The following NMNAT2 variants were observed in gnomAD, a reference collection of about 807,000 sequenced individuals.
The protein encoded by NMNAT2 is nicotinamide nucleotide adenylyltransferase 2.
In NMNAT2, 11 loss-of-function variants were observed where a neutral mutation model predicts 41.6. The observed-to-expected ratio is 0.26, with a 90% confidence interval of 0.17 to 0.44. NMNAT2 has a LOEUF of 0.44. Ranked by LOEUF, NMNAT2 falls within the 20% of genes least tolerant of loss-of-function variation. The pLI, the probability that NMNAT2 is intolerant of heterozygous loss-of-function variation, is 1.00. For synonymous variants in NMNAT2, 148 were observed against 151.2 expected, an observed-to-expected ratio of 0.98 and a Z score of 0.16; for missense variants, 288 against 407.7, an observed-to-expected ratio of 0.71 and a Z score of 2.53.
At chr1:183,368,619 A>G (rs765614571) in intron 1 of NMNAT2, among the ~76,000 whole-genome samples, 17 of 152,162 alleles carry the variant, frequency 1.1e-4, no homozygotes, top group Admixed American at 4.6e-4. Context: ...ATAACATGCC[A>G]CTAGCCATTC....
chr1:183,311,740 C>T (rs200693050), intron 1 of NMNAT2, among the ~76,000 whole-genome samples: 12,695 of 150,872 alleles, frequency 0.084, 933 homozygotes, highest in East Asian at 0.38. Flanking sequence ...CACACACACA[C>T]ACACACACAC....
chr1:183,313,262 C>T (rs1035153433), intron 1 of NMNAT2, among the ~76,000 whole-genome samples: 15 of 152,138 alleles, frequency 9.9e-5, no homozygotes, highest in African/African-American at 3.4e-4. Flanking sequence ...TCCAGCATGC[C>T]TGAGATCACA....
chr1:183,269,544 C>T (rs1216800408), intron 8 of NMNAT2, among the ~76,000 whole-genome samples: 1 of 152,240 alleles, frequency 6.6e-6, no homozygotes, highest in Non-Finnish European at 1.5e-5. Context: ...GACTGCAGCC[C>T]ATTTGTGTTT....
chr1:183,274,341 T>C (rs2102293436), intron 8 of NMNAT2, among the ~76,000 whole-genome samples: 1 of 151,646 alleles, frequency 6.6e-6, no homozygotes, highest in South Asian at 2.1e-4. Context: ...AGACAGAATC[T>C]TGCTCTGTCA....
chr1:183,379,409 G>A (rs1281857458), intron 1 of NMNAT2, among the ~76,000 whole-genome samples: 1 of 151,952 alleles, frequency 6.6e-6, no homozygotes, highest in Non-Finnish European at 1.5e-5. Flanking sequence ...TTGAACTCCT[G>A]GGCTCAAGCA....
intron 1 of NMNAT2, among the ~76,000 whole-genome samples, chr1:183,383,543 C>A (rs898381373): frequency 6.6e-6 from 1 of 152,112 alleles, no homozygotes; most frequent in Non-Finnish European, 1.5e-5. Flanking sequence ...TTCAGATAAC[C>A]TCTTTGCTTA....
chr1:183,290,264 G>T, intron 3 of NMNAT2, 58 bp from the exon 4 acceptor site: 2 of 1,369,164 alleles, frequency 1.5e-6, no homozygotes, highest in African/African-American at 1.4e-5. Context: ...TTTCCTTATT[G>T]TTACCTTCCA....
At chr1:183,282,347 C>A (rs1042593583) in intron 7 of NMNAT2, among the ~76,000 whole-genome samples, 1 of 152,196 alleles carries the variant, frequency 6.6e-6, no homozygotes, top group Non-Finnish European at 1.5e-5. Context: ...TAAGCAGAGG[C>A]CCCTGCCCCT....
At chr1:183,345,683 CTTTTCT>C (rs1240658234) in intron 1 of NMNAT2, among the ~76,000 whole-genome samples, 1 of 121,890 alleles carries the variant, frequency 8.2e-6, no homozygotes, top group Non-Finnish European at 1.7e-5. Context: ...AAATAATATC[CTTTTCT>C]TTTTTTTTTT....
chr1:183,293,839 G>C, intron 1 of NMNAT2, 46 bp from the exon 2 acceptor site: 1 of 1,323,008 alleles, frequency 7.6e-7, no homozygotes, highest in Non-Finnish European at 1.1e-6. Context: ...GAAAGGCATG[G>C]ATTAAAGGTG....
chr1:183,402,392 A>G (rs1648836348), intron 1 of NMNAT2, among the ~76,000 whole-genome samples: 1 of 152,190 alleles, frequency 6.6e-6, no homozygotes, highest in South Asian at 2.1e-4. Context: ...GGATTGTTGT[A>G]ACTATGCATT....
intron 1 of NMNAT2, among the ~76,000 whole-genome samples, chr1:183,345,412 T>C (rs952672904): frequency 2.0e-5 from 3 of 152,090 alleles, no homozygotes; most frequent in African/African-American, 7.2e-5. Context: ...GGTGCTTAGG[T>C]CATGAGGGCT....
chr1:183,296,067 C>T (rs1265029237), intron 1 of NMNAT2, among the ~76,000 whole-genome samples: 1 of 152,158 alleles, frequency 6.6e-6, no homozygotes, highest in East Asian at 1.9e-4. Context: ...CCAAACTGGT[C>T]TCAAACTCCT....
chr1:183,310,563 G>T (rs990222667), intron 1 of NMNAT2, among the ~76,000 whole-genome samples: 1 of 152,118 alleles, frequency 6.6e-6, no homozygotes, highest in Admixed American at 6.6e-5. Flanking sequence ...TTCAACCAGG[G>T]TTGATCACCC....
chr1:183,353,682 A>G (rs539565527), intron 1 of NMNAT2, among the ~76,000 whole-genome samples: 2 of 152,158 alleles, frequency 1.3e-5, no homozygotes, highest in Non-Finnish European at 2.9e-5. Context: ...GAAGAAATAC[A>G]ACAGGTTTTC....
chr1:183,403,610 G>A (rs908212319), intron 1 of NMNAT2, among the ~76,000 whole-genome samples: 1 of 152,224 alleles, frequency 6.6e-6, no homozygotes, highest in Admixed American at 6.5e-5. Flanking sequence ...CAAGTGCAGT[G>A]CGAAGGGCAA....
chr1:183,313,511 G>A (rs375811199), intron 1 of NMNAT2, among the ~76,000 whole-genome samples: 10 of 152,154 alleles, frequency 6.6e-5, no homozygotes, highest in Middle Eastern at 3.4e-3. Flanking sequence ...ATGGAGTCTC[G>A]CTCTTTTGCC....
intron 1 of NMNAT2, among the ~76,000 whole-genome samples, chr1:183,334,810 C>G (rs1662651579): frequency 6.6e-6 from 1 of 152,162 alleles, no homozygotes; most frequent in South Asian, 2.1e-4. Flanking sequence ...GCACCTGGCC[C>G]AAGGCCACCC....
intron 1 of NMNAT2, among the ~76,000 whole-genome samples, chr1:183,341,658 C>T (rs868192980): frequency 7.8e-6 from 1 of 127,918 alleles, no homozygotes; most frequent in Non-Finnish European, 1.6e-5. Flanking sequence ...TGCTACTGCA[C>T]CCAGCCTGGT....
Sources: allele counts gnomAD v4.1 joint callset (sites outside exome capture counted in the v4.1 genomes callset), GRCh38; gene constraint gnomAD v4.1.1; transcripts MANE v1.5; gene names NCBI Gene and HGNC (gene_info 2026-07-23, HGNC 2026-07-21).